The following LRP4 variants were observed in gnomAD, a reference collection of about 807,000 sequenced individuals.
The protein encoded by LRP4 is low-density lipoprotein receptor-related protein 4.
A neutral mutation model predicts 220.3 loss-of-function variants in LRP4; 95 were observed. That is an observed-to-expected ratio of 0.43 (90% CI 0.37 to 0.51). LRP4 has a LOEUF of 0.51. LRP4 is among the 20% of genes least tolerant of loss of function. LRP4 has a pLI of 0.00. For synonymous variants in LRP4, 903 were observed against 954.6 expected (o/e 0.95, Z 1.00); for missense variants, 1,925 against 2,567.0 (o/e 0.75, Z 5.40).
intron 34 of LRP4, 69 bp downstream of exon 34, chr11:46,867,903 AAGCTGGG>A: frequency 6.3e-7 from 1 of 1,578,776 alleles, no homozygotes; most frequent in Non-Finnish European, 8.7e-7. Flanking sequence ...CTGCCTTATC[AAGCTGGG>A]ACTATGAGTT....
At position 46,902,871 on chromosome 11, in the gene LRP4, A is replaced by C; in HGVS notation, c.111T>G (p.Ser37Arg). Residue 37 changes from serine (S) to arginine (R), a missense_variant, in exon 2 of 38, where the codon AGT (serine) becomes AGG (arginine). Coordinates refer to ENST00000378623, the MANE Select transcript of LRP4 (RefSeq NM_002334.4). ...GGATGCAGGTACACTCTCCAAGAGC[A>C]CTCACTGCACATGTGAAGTGGCTCC... ...CGRSHFTCAV[S>R]ALGECTCIPA... is the part of the protein sequence containing the mutation. 1 of 1,614,052 alleles carries C rather than the reference A, an allele frequency of 6.2e-7. No homozygotes were observed.
intron 37 of LRP4, among the ~76,000 whole-genome samples, chr11:46,859,813 C>T (rs558403956): frequency 6.6e-6 from 1 of 152,266 alleles, no homozygotes; most frequent in South Asian, 2.1e-4. Flanking sequence ...TCATCAAAAG[C>T]AATTGGCAAG....
At chr11:46,883,137 A>AT (rs1443684369) in intron 19 of LRP4, among the ~76,000 whole-genome samples, 38 of 152,346 alleles carry the variant, frequency 2.5e-4, no homozygotes, top group Admixed American at 2.2e-3. Flanking sequence ...TTTGCAAGTA[A>AT]ACCAACAATA....
In LRP4 at chr11:46,900,385, C is replaced by T; in HGVS notation, c.200-7G>A. ...GGGGAACAGGTAGGTAGTACTGAAT[C>T]CCAGGAAAAGAAAAGAAAAGTCAAT... On this transcript the variant is annotated splice_region_variant and splice_polypyrimidine_tract_variant and intron_variant, in intron 2 of 37. Coordinates refer to ENST00000378623, the MANE Select transcript of LRP4 (RefSeq NM_002334.4). 1 of 1,561,114 alleles carries T rather than the reference C, an allele frequency of 6.4e-7. No individual in the cohort carries two copies. Among genetic ancestry groups the T allele is most frequent in the Non-Finnish European group, 8.8e-7 (1 of 1,131,812 alleles).
chr11:46,870,943 G>T (rs2134782430), intron 31 of LRP4, among the ~76,000 whole-genome samples: 1 of 152,324 alleles, frequency 6.6e-6, no homozygotes, highest in South Asian at 2.1e-4. Flanking sequence ...TTATTTTATA[G>T]ATAACTGAAG....
In LRP4 at chr11:46,881,058, C is replaced by CAAAAA. The variant is rs60125188; in HGVS notation, c.2814+639_2814+643dup. Among the ~76,000 whole-genome samples, 6 of 56,108 alleles carry CAAAAA rather than the reference C, an allele frequency of 1.1e-4. 1 individual carries two copies. The highest frequency in any genetic ancestry group is 1.4e-3 in the East Asian group (2 of 1,480). 36.8% of individuals were successfully genotyped at this position (56,108 alleles called of 152,430 possible). A position where few individuals can be genotyped will look rare whatever the true frequency, so the allele number is the denominator to read the frequency against. On this transcript the variant is annotated intron_variant, in intron 20 of 37. Coordinates refer to ENST00000378623, the MANE Select transcript of LRP4 (RefSeq NM_002334.4). ...CAGCATGACCCTGCCTCTAAAAAAC[C>CAAAAA]AAAAAAAAAAAAAAAAAAAAAAAAA...
Position 46,878,927 on chromosome 11 carries a change from T to C in LRP4, c.3116A>G (p.Asp1039Gly), listed in dbSNP as rs1941082711. Residue 1039 changes from aspartate (D) to glycine (G), a missense_variant, in exon 22 of 38, where the codon GAT (aspartate) becomes GGT (glycine). By Grantham distance (94) the Asp-to-Gly change is moderately conservative. Transcript: ENST00000378623. ...TCPTGINLLS[D>G]GKTCSPGMNS... ...CTCACCTGGTGAGCAGGTCTTGCCA[T>C]CAGACAGCAGGTTGATGCCTGTGGG... 6.2e-7 allele frequency: 1 copy of C among 1,614,198 alleles called. No individual in the cohort carries two copies.
chr11:46,913,005 T>C (rs1941889364), intron 1 of LRP4, among the ~76,000 whole-genome samples: 1 of 152,092 alleles, frequency 6.6e-6, no homozygotes, highest in African/African-American at 2.4e-5. Context: ...GGAGCTCCCA[T>C]AGGCCAAGTC....
At position 46,862,683 on chromosome 11, in the gene LRP4, G is replaced by T; in HGVS notation, c.5308C>A (p.Arg1770=). Residue 1770 remains arginine, a synonymous_variant, in exon 37 of 38, where the codon CGA becomes AGA. Transcript: ENST00000378623. Reference sequence around the variant, plus strand: ...ATCTTCACTTCCTGTGTGGATGTTCGGTAGGAGGGGTTGCTGTAGGTGAGG... The same window carrying T: ...ATCTTCACTTCCTGTGTGGATGTTCTGTAGGAGGGGTTGCTGTAGGTGAGG... ...GNLTYSNPSY[R]TSTQEVKIEA... The T allele has an allele frequency of 4.3e-6, 7 of 1,613,938 alleles. No homozygotes were observed. The highest frequency in any genetic ancestry group is 1.3e-5 in the African/African-American group (1 of 74,952).
chr11:46,860,034 A>T (rs1940499864), intron 37 of LRP4, among the ~76,000 whole-genome samples: 1 of 151,998 alleles, frequency 6.6e-6, no homozygotes, highest in Non-Finnish European at 1.5e-5. Flanking sequence ...CAGGAGTTCG[A>T]GACTAGCCTG....
At chr11:46,874,421 A>C (rs948573907) in intron 28 of LRP4, 1 of 193,732 alleles carries the variant, frequency 5.2e-6, no homozygotes, top group African/African-American at 2.3e-5. Context: ...AACCACCATA[A>C]GACTTGGCAT....
chr11:46,899,621 AC>A lies in LRP4; in HGVS notation c.431-119del. On this transcript the variant is annotated intron_variant, in intron 4 of 37. Transcript: ENST00000378623. This position sits in a 1 kb window ranked among gnomAD's most constrained non-coding sequence, Gnocchi z 5.9. The stretch of plus-strand genomic sequence containing the variant: ...GGGTCTGACCTAGCCCCCGAAAGGC[AC>A]CCCAGAGTCAGTGCAGACTCTCCAG... 1.2e-6 allele frequency: 1 copy of A among 813,856 alleles called. No individual in the cohort carries two copies. The highest frequency in any genetic ancestry group is 2.1e-6 in the Non-Finnish European group (1 of 470,668). 50.4% of individuals were successfully genotyped at this position (813,856 alleles called of 1,614,324 possible).
Position 46,896,244 on chromosome 11 carries a change from A to G in LRP4, c.1014T>C (p.Gly338=). 5 of 1,614,130 alleles carry G rather than the reference A, an allele frequency of 3.1e-6. No individual in the cohort carries two copies. The highest frequency in any genetic ancestry group is 4.2e-6 in the Non-Finnish European group (5 of 1,180,038). Residue 338 remains glycine, a synonymous_variant, in exon 9 of 38, where the codon GGT becomes GGC. Coordinates refer to ENST00000378623, the MANE Select transcript of LRP4 (RefSeq NM_002334.4). ...GCTGTGGGCTTTCGTCGCTGTTGTC[A>G]CCACAGTCGTTGACCCCGTTGCACA... The part of the protein sequence containing the change: ...RKLCNGVNDC[G]DNSDESPQQN...
intron 1 of LRP4, among the ~76,000 whole-genome samples, chr11:46,910,289 G>C (rs967466432): frequency 6.6e-6 from 1 of 152,110 alleles, no homozygotes; most frequent in Non-Finnish European, 1.5e-5. Context: ...GTCTGACCCT[G>C]GGCAGCTATT....
At chr11:46,863,848 A>G (rs1440571749) in intron 36 of LRP4, among the ~76,000 whole-genome samples, 1 of 152,168 alleles carries the variant, frequency 6.6e-6, no homozygotes, top group Non-Finnish European at 1.5e-5. Flanking sequence ...CTGTGTTACG[A>G]GGTTGTCATG....
rs372674165 is a variant in LRP4, at chr11:46,858,939, A to G, written c.*44T>C. 8.3e-5 allele frequency: 132 copies of G among 1,584,898 alleles called. 1 individual carries two copies. Among genetic ancestry groups the G allele is most frequent in the Non-Finnish European group, 1.1e-4 (128 of 1,154,954 alleles). On this transcript the variant is annotated 3_prime_UTR_variant, in exon 38 of 38. Coordinates refer to ENST00000378623, the MANE Select transcript of LRP4 (RefSeq NM_002334.4). ...AAGCGAGCACAAGGACTAGACGTCC[A>G]TAAAGGAGAAGGAACAGGCAGGCAG...
rs1205105447 is a variant in LRP4, at chr11:46,876,741, C to T, written c.3364+3G>A. ...TGGTCCCTGGGCTAGGAGGAAGGCC[C>T]ACCTGTGGTGATGATGTCCTCATGC... On this transcript the variant is annotated splice_donor_region_variant and intron_variant, in intron 24 of 37. Transcript: ENST00000378623. The T allele has an allele frequency of 6.2e-7, 1 of 1,614,150 alleles. No homozygotes were observed. Among genetic ancestry groups the T allele is most frequent in the African/African-American group, 1.3e-5 (1 of 75,044 alleles).
chr11:46,882,081 T>C (rs1015194488), intron 19 of LRP4, among the ~76,000 whole-genome samples, 178 bp from the exon 20 acceptor site: 2 of 152,134 alleles, frequency 1.3e-5, no homozygotes, highest in Non-Finnish European at 2.9e-5. Flanking sequence ...TGTCTTCTAT[T>C]ACTATCAAAA....
At chr11:46,904,534 T>TGGAC (rs1941727684) in intron 1 of LRP4, among the ~76,000 whole-genome samples, 1 of 151,974 alleles carries the variant, frequency 6.6e-6, no homozygotes, top group African/African-American at 2.4e-5. Context: ...GATGGATGGA[T>TGGAC]GGCTTTTGGG....
Sources: gnomAD v4.1 joint callset for allele counts (sites outside exome capture counted in the v4.1 genomes callset) on GRCh38, gnomAD v4.1.1 for gene constraint, Gnocchi (gnomAD v3.1) non-coding constraint, MANE v1.5 for transcripts, NCBI Gene and HGNC (gene_info 2026-07-23, HGNC 2026-07-21) for gene names.